The following GLCE variants were observed in gnomAD, a reference collection of about 807,000 sequenced individuals.
GLCE encodes D-glucuronyl C5-epimerase.
Under a neutral mutation model 47.9 loss-of-function variants are expected in GLCE, and 19 were observed. The observed-to-expected ratio is 0.40, with a 90% confidence interval of 0.28 to 0.58. The LOEUF (loss-of-function observed/expected upper bound fraction) is 0.58. GLCE is among the 20% of genes least tolerant of loss of function. The pLI is 0.48. For missense variants in GLCE, 556 were observed against 743.3 expected, an observed-to-expected ratio of 0.75 and a Z score of 2.93; for synonymous variants, 245 against 263.4, an observed-to-expected ratio of 0.93 and a Z score of 0.68.
intron 1 of GLCE, among the ~76,000 whole-genome samples, chr15:69,163,261 A>T (rs987327567): frequency 2.1e-4 from 32 of 152,220 alleles, no homozygotes; most frequent in African/African-American, 7.5e-4. Context: ...AGTAAGGCAT[A>T]GACTGATAAG....
At chr15:69,170,605 A>G (rs1447287393) in intron 1 of GLCE, among the ~76,000 whole-genome samples, 1 of 152,230 alleles carries the variant, frequency 6.6e-6, no homozygotes, top group African/African-American at 2.4e-5. Context: ...ATATGCCAAA[A>G]CATTAGATGA....
chr15:69,204,307 G>T (rs1351850064), intron 1 of GLCE, among the ~76,000 whole-genome samples: 3 of 125,026 alleles, frequency 2.4e-5, no homozygotes, highest in African/African-American at 5.9e-5. Flanking sequence ...TTTTGAGATG[G>T]AATCTCACTC....
chr15:69,247,297 G>T (rs889286146), intron 2 of GLCE, among the ~76,000 whole-genome samples: 3 of 152,198 alleles, frequency 2.0e-5, no homozygotes, highest in African/African-American at 7.2e-5. Flanking sequence ...GCTTTACCTT[G>T]TACCTGATAA....
intron 1 of GLCE, among the ~76,000 whole-genome samples, chr15:69,168,949 A>G (rs1244616862): frequency 6.6e-6 from 1 of 152,216 alleles, no homozygotes; most frequent in Non-Finnish European, 1.5e-5. Flanking sequence ...GTAACCAACA[A>G]TCAGATCAAG....
At chr15:69,175,791 T>C (rs1411581085) in intron 1 of GLCE, among the ~76,000 whole-genome samples, 1 of 152,230 alleles carries the variant, frequency 6.6e-6, no homozygotes, top group Non-Finnish European at 1.5e-5. Flanking sequence ...TGTTATGTGA[T>C]AGGCTTTCAC....
intron 2 of GLCE, among the ~76,000 whole-genome samples, chr15:69,222,642 T>C (rs2052393477): frequency 6.6e-6 from 1 of 152,166 alleles, no homozygotes; most frequent in African/African-American, 2.4e-5. Flanking sequence ...CTCTAACCTC[T>C]TTCAGTGTGA....
chr15:69,204,844 A>G (rs1193124535), intron 1 of GLCE, among the ~76,000 whole-genome samples: 2 of 152,052 alleles, frequency 1.3e-5, no homozygotes, highest in Admixed American at 1.3e-4. Flanking sequence ...TAGACCATTG[A>G]TCCCTCTAGT....
intron 1 of GLCE, chr15:69,197,012 C>A: frequency 6.3e-6 from 2 of 318,298 alleles, no homozygotes; most frequent in South Asian, 6.2e-5. Flanking sequence ...TGCTGCCGGT[C>A]TGATCCACTA....
rs943773524 is a variant in GLCE at position 69,265,293 on chromosome 15, G to C, written c.830-2927G>C. 5.9e-5 allele frequency among the ~76,000 whole-genome samples: 9 copies of C among 152,208 alleles called. No homozygotes were observed. The East Asian group carries it at 1.7e-3, about 29-fold the overall frequency. ...AAACTTTCTATTAGATTTGAAGGAG[G>C]AATCTTCAGATAGCCTAGTACCTCC... On this transcript the variant is annotated intron_variant, in intron 4 of 4. Transcript: ENST00000261858.
chr15:69,216,164 T>C (rs1332080268), intron 2 of GLCE, among the ~76,000 whole-genome samples: 1 of 152,134 alleles, frequency 6.6e-6, no homozygotes, highest in Non-Finnish European at 1.5e-5. Flanking sequence ...CATCTGTGAC[T>C]GAAAAAACAT....
chr15:69,222,695 A>C (rs1160654226), intron 2 of GLCE, among the ~76,000 whole-genome samples: 1 of 151,884 alleles, frequency 6.6e-6, no homozygotes, highest in Non-Finnish European at 1.5e-5. Flanking sequence ...TTTAGTTGAT[A>C]CTCTGGTCTA....
At chr15:69,267,107 C>A (rs2053097782) in intron 4 of GLCE, among the ~76,000 whole-genome samples, 1 of 152,146 alleles carries the variant, frequency 6.6e-6, no homozygotes, top group South Asian at 2.1e-4. Context: ...CTTGGTAGAT[C>A]TAGATGAGCA....
chr15:69,169,138 A>G (rs972142576), intron 1 of GLCE, among the ~76,000 whole-genome samples: 4 of 152,190 alleles, frequency 2.6e-5, no homozygotes, highest in Admixed American at 2.0e-4. Context: ...TGAACATTAC[A>G]TCTGTGAAAT....
At chr15:69,175,584 A>G (rs973404309) in intron 1 of GLCE, among the ~76,000 whole-genome samples, 1 of 152,220 alleles carries the variant, frequency 6.6e-6, no homozygotes, top group African/African-American at 2.4e-5. Flanking sequence ...AAGTTAGTTT[A>G]TAGTCATCAG....
intron 1 of GLCE, among the ~76,000 whole-genome samples, chr15:69,205,059 T>C (rs893905260): frequency 6.6e-6 from 1 of 152,154 alleles, no homozygotes; most frequent in African/African-American, 2.4e-5. Context: ...ATAGTTGATA[T>C]ATTTCAACAT....
At chr15:69,161,571 A>G (rs1228172719) in intron 1 of GLCE, among the ~76,000 whole-genome samples, 2 of 152,020 alleles carry the variant, frequency 1.3e-5, no homozygotes, top group Admixed American at 6.5e-5. Flanking sequence ...GGGTCCGCTG[A>G]GGGCGGGAGA....
At chr15:69,253,921 A>G (rs2052884790) in intron 2 of GLCE, among the ~76,000 whole-genome samples, 1 of 152,240 alleles carries the variant, frequency 6.6e-6, no homozygotes, top group Non-Finnish European at 1.5e-5. Flanking sequence ...GGATTCTACA[A>G]CCTGCCAAAC....
chr15:69,216,329 A>G (rs925133621), intron 2 of GLCE, among the ~76,000 whole-genome samples: 5 of 152,118 alleles, frequency 3.3e-5, no homozygotes, highest in Non-Finnish European at 7.4e-5. Context: ...CTGTCTTAGG[A>G]TATCTGTCAA....
intron 4 of GLCE, among the ~76,000 whole-genome samples, chr15:69,266,329 C>A (rs2053085793): frequency 6.6e-6 from 1 of 151,858 alleles, no homozygotes; most frequent in Non-Finnish European, 1.5e-5. Flanking sequence ...ATTCCTTTTT[C>A]CCTTTCTTTT....
Sources: allele counts gnomAD v4.1 joint callset (sites outside exome capture counted in the v4.1 genomes callset), GRCh38; gene constraint gnomAD v4.1.1; transcripts MANE v1.5; gene names NCBI Gene and HGNC (gene_info 2026-07-23, HGNC 2026-07-21).